Variants in AGTPBP1 observed in about 807,000 individuals in gnomAD.
AGTPBP1 encodes the protein ATP/GTP binding carboxypeptidase 1.
AGTPBP1 carries 70 observed loss-of-function variants against 143.9 expected under a neutral mutation model. The observed-to-expected ratio is 0.49, with a 90% CI of 0.40 to 0.59. AGTPBP1 has a LOEUF of 0.59. Among genes scored for constraint, AGTPBP1 ranks in the 20% least tolerant of loss-of-function variants. The probability of loss-of-function intolerance (pLI) is 0.00; values close to 1 mark genes in which losing one functional copy is unlikely to be tolerated. For synonymous variants in AGTPBP1, 463 were observed against 500.2 expected (o/e 0.93, Z 0.99); for missense variants, 1,229 against 1,464.5 (o/e 0.84, Z 2.62).
At position 85,606,905 on chromosome 9, in the gene AGTPBP1, G is replaced by A. The variant is rs144087411; in HGVS notation, c.2336-10456C>T. ...TAGATACAAAAGCTGAGAAGGGTGT[G>A]TGGGAGGGATAAGGGGGGTGAAGAG... On this transcript the variant is annotated intron_variant, in intron 17 of 25. Coordinates refer to ENST00000357081, the MANE Select transcript of AGTPBP1 (RefSeq NM_001330701.2). Among the ~76,000 whole-genome samples, 815 of 152,090 alleles carry A rather than the reference G, an allele frequency of 5.4e-3. 6 individuals carry two copies. The highest frequency in any genetic ancestry group is 0.018 in the African/African-American group (763 of 41,542).
chr9:85,771,535 C>G, the AGTPBP1 span, among the ~76,000 whole-genome samples: 4 of 152,136 alleles, frequency 2.6e-5, no homozygotes, highest in African/African-American at 4.8e-5. Flanking sequence ...TATGCACAGC[C>G]TCCTCTTGGA....
intron 18 of AGTPBP1, among the ~76,000 whole-genome samples, chr9:85,593,167 C>A (rs1363957702): frequency 6.6e-6 from 1 of 152,078 alleles, no homozygotes; most frequent in South Asian, 2.1e-4. Flanking sequence ...AATGGGAATT[C>A]ATTGCACCAC....
Position 85,633,304 on chromosome 9 carries a change from A to C in AGTPBP1, c.1373T>G (p.Val458Gly), listed in dbSNP as rs778036367. ...FEGKVRGPIV[V>G]PTAGEETSGN... The stretch of plus-strand genomic sequence containing the variant: ...AGATGTTTCCTCGCCTGCCGTAGGA[A>C]CAACAATAGGACCACGTACTTTTCC... Residue 458 changes from valine to glycine, a missense_variant, in exon 14 of 26, where the codon GTT (valine) becomes GGT (glycine). By Grantham distance (109) the Val-to-Gly change is moderately radical. Transcript: ENST00000357081. The C allele has an allele frequency of 6.2e-7, 1 of 1,613,704 alleles. No homozygotes were observed. Among genetic ancestry groups the C allele is most frequent in the Non-Finnish European group, 8.5e-7 (1 of 1,179,874 alleles).
chr9:85,752,525 G>A, the AGTPBP1 span, among the ~76,000 whole-genome samples: 1 of 152,022 alleles, frequency 6.6e-6, no homozygotes, highest in African/African-American at 2.4e-5. Flanking sequence ...TAACACTCAC[G>A]AAGAATGAAA....
Position 85,579,108 on chromosome 9 carries a change from A to C in AGTPBP1, c.3166-12T>G. The stretch of plus-strand genomic sequence containing the variant: ...ATCTTAGGCAATGTCTGTTAAAAAC[A>C]AGAATGATGATGATAAAATAAACCA... On this transcript the variant is annotated splice_polypyrimidine_tract_variant and intron_variant, in intron 23 of 25. Transcript: ENST00000357081. 1 of 1,574,872 alleles carries C rather than the reference A, an allele frequency of 6.3e-7. No individual in the cohort carries two copies. The highest frequency in any genetic ancestry group is 8.5e-7 in the Non-Finnish European group (1 of 1,169,692).
At chr9:85,763,134 T>C in the AGTPBP1 span, among the ~76,000 whole-genome samples, 1 of 151,626 alleles carries the variant, frequency 6.6e-6, no homozygotes, top group African/African-American at 2.4e-5. Context: ...AAACTCTCAA[T>C]CAAATGTGAA....
At chr9:85,584,549 T>C (rs1828482088) in intron 23 of AGTPBP1, among the ~76,000 whole-genome samples, 1 of 152,238 alleles carries the variant, frequency 6.6e-6, no homozygotes, top group African/African-American at 2.4e-5. Context: ...GTTGGAAATC[T>C]AGTTGAGAAT....
At chr9:85,654,045 T>G (rs994800772) in intron 11 of AGTPBP1, among the ~76,000 whole-genome samples, 5 of 152,196 alleles carry the variant, frequency 3.3e-5, no homozygotes, top group African/African-American at 1.2e-4. Flanking sequence ...ATCATAATAG[T>G]GTACCCTATG....
intron 17 of AGTPBP1, among the ~76,000 whole-genome samples, chr9:85,610,242 C>G (rs781368455): frequency 3.3e-5 from 5 of 151,966 alleles, no homozygotes; most frequent in Non-Finnish European, 5.9e-5. Flanking sequence ...ACTGAAGCTC[C>G]AAGTCACTAA....
At chr9:85,552,698 A>G (rs1487905573) in intron 25 of AGTPBP1, among the ~76,000 whole-genome samples, 2 of 152,216 alleles carry the variant, frequency 1.3e-5, no homozygotes, top group African/African-American at 4.8e-5. Context: ...ACAGTAAATC[A>G]ACCTTTCTCA....
At chr9:85,549,672 A>G (rs1194723768) in intron 25 of AGTPBP1, among the ~76,000 whole-genome samples, 1 of 152,232 alleles carries the variant, frequency 6.6e-6, no homozygotes. Context: ...GAGCTAAATA[A>G]GTTTAGCTTC....
At chr9:85,719,628 T>C (rs1411381039) in intron 1 of AGTPBP1, among the ~76,000 whole-genome samples, 2 of 152,226 alleles carry the variant, frequency 1.3e-5, no homozygotes, top group African/African-American at 4.8e-5. Context: ...TGACTTCCTC[T>C]TTTCCTAACT....
chr9:85,615,515 G>A (rs984294399), intron 17 of AGTPBP1, among the ~76,000 whole-genome samples: 7 of 151,956 alleles, frequency 4.6e-5, no homozygotes, highest in Non-Finnish European at 8.8e-5. Context: ...TAATGGGCAT[G>A]GGGAAAGTTT....
chr9:85,799,070 G>A, the AGTPBP1 span, among the ~76,000 whole-genome samples: 3 of 152,092 alleles, frequency 2.0e-5, no homozygotes, highest in African/African-American at 7.2e-5. Context: ...CTATGAGTGA[G>A]AACGTGCGGT....
At position 85,707,738 on chromosome 9, in the gene AGTPBP1, A is replaced by G. The variant is rs543585310; in HGVS notation, c.32+4764T>C. Among the ~76,000 whole-genome samples the G allele has an allele frequency of 1.2e-3, 189 of 152,328 alleles. 2 individuals are homozygous for G. Among genetic ancestry groups the G allele is most frequent in the Admixed American group, 4.1e-3 (63 of 15,304 alleles). ...ACTAACCTCACTGCTTAAAAACAAC[A>G]TGAACTTATTATTGTATTACAGGCT... On this transcript the variant is annotated intron_variant, in intron 2 of 25. Coordinates refer to ENST00000357081, the MANE Select transcript of AGTPBP1 (RefSeq NM_001330701.2).
At chr9:85,710,836 A>G (rs1837318702) in intron 2 of AGTPBP1, among the ~76,000 whole-genome samples, 1 of 152,198 alleles carries the variant, frequency 6.6e-6, no homozygotes, top group African/African-American at 2.4e-5. Context: ...TAGTTTAGCT[A>G]ATCAATAGAA....
intron 25 of AGTPBP1, among the ~76,000 whole-genome samples, chr9:85,559,508 G>A (rs1262922663): frequency 2.6e-5 from 4 of 151,146 alleles, no homozygotes; most frequent in South Asian, 2.1e-4. Context: ...AGGAGGTAAC[G>A]ATGAGACAGG....
intron 1 of AGTPBP1, chr9:85,741,287 G>A: frequency 1.0e-6 from 1 of 985,432 alleles, no homozygotes; most frequent in Non-Finnish European, 1.2e-6. Context: ...CTGGCGCTCA[G>A]TCGGGAACGC....
intron 1 of AGTPBP1, among the ~76,000 whole-genome samples, chr9:85,731,996 T>C (rs999062023): frequency 6.6e-6 from 1 of 152,208 alleles, no homozygotes; most frequent in Non-Finnish European, 1.5e-5. Context: ...TCCATTTTAC[T>C]ATCAATAAAT....
Sources: allele counts gnomAD v4.1 joint callset (sites outside exome capture counted in the v4.1 genomes callset), GRCh38; gene constraint gnomAD v4.1.1; transcripts MANE v1.5; gene names NCBI Gene and HGNC (gene_info 2026-07-23, HGNC 2026-07-21).